The following NOTCH2NLA variants were observed in gnomAD, a reference collection of about 807,000 sequenced individuals.
NOTCH2NLA encodes the protein notch 2 N-terminal like A, also known as notch homolog 2 N-terminal-like protein A.
chr1:146,182,391 A>G (rs1440522596), intron 2 of NOTCH2NLA, among the ~76,000 whole-genome samples: 3 of 137,742 alleles, frequency 2.2e-5, no homozygotes, highest in Non-Finnish European at 5.0e-5. Flanking sequence ...GCTTCCATAT[A>G]GTCTCTCTCT....
chr1:146,171,487 A>G (rs1661980048), intron 2 of NOTCH2NLA, among the ~76,000 whole-genome samples: 1 of 127,514 alleles, frequency 7.8e-6, no homozygotes, highest in African/African-American at 2.6e-5. Flanking sequence ...AAACCCAAGT[A>G]GACTCTAGAG....
chr1:146,174,769 G>A (rs587690021), intron 2 of NOTCH2NLA, among the ~76,000 whole-genome samples: 3 of 142,486 alleles, frequency 2.1e-5, no homozygotes, highest in East Asian at 1.9e-4. Context: ...GAGCTCTAGA[G>A]GGGGGAGCTG....
chr1:146,159,445 A>AAGAAAGAAAGAAAGAAAGAG (rs1206207751), intron 3 of NOTCH2NLA, among the ~76,000 whole-genome samples: 2 of 139,718 alleles, frequency 1.4e-5, no homozygotes, highest in African/African-American at 5.2e-5. Context: ...GAAAGAAAGA[A>AAGAAAGAAAGAAAGAAAGAG]AGAGAAAGAA....
At chr1:146,183,530 G>GA (rs1380221747) in intron 2 of NOTCH2NLA, among the ~76,000 whole-genome samples, 2 of 119,246 alleles carry the variant, frequency 1.7e-5, no homozygotes, top group East Asian at 4.6e-4. Flanking sequence ...TCATTTTCCA[G>GA]AAAAACTATA....
intron 1 of NOTCH2NLA, among the ~76,000 whole-genome samples, chr1:146,195,117 C>T (rs1663115100): frequency 9.0e-6 from 1 of 111,164 alleles, no homozygotes; most frequent in East Asian, 3.4e-4. Context: ...TGCTTTTTCA[C>T]TTTTAAGTTC....
At chr1:146,174,437 T>C (rs1571289888) in intron 2 of NOTCH2NLA, among the ~76,000 whole-genome samples, 2 of 145,744 alleles carry the variant, frequency 1.4e-5, no homozygotes, top group African/African-American at 5.0e-5. Context: ...AACGAGGATT[T>C]GGCCATTCAA....
At chr1:146,177,870 G>C (rs369825805) in intron 2 of NOTCH2NLA, among the ~76,000 whole-genome samples, 2 of 141,958 alleles carry the variant, frequency 1.4e-5, no homozygotes, top group South Asian at 2.2e-4. Flanking sequence ...TTGGGTGTTT[G>C]TGGTTGTATA....
At chr1:146,159,407 GAAA>G (rs1661357288) in intron 3 of NOTCH2NLA, among the ~76,000 whole-genome samples, 2 of 142,582 alleles carry the variant, frequency 1.4e-5, no homozygotes, top group African/African-American at 5.3e-5. Context: ...AAGAAAGAAA[GAAA>G]GAAAGAAAGA....
At chr1:146,162,366 T>G (rs1661552648) in intron 3 of NOTCH2NLA, among the ~76,000 whole-genome samples, 1 of 150,608 alleles carries the variant, frequency 6.6e-6, no homozygotes, top group African/African-American at 2.5e-5. Context: ...GTGTACGGGT[T>G]CAAGTTGACA....
At chr1:146,225,342 C>CA (rs1327084868) in intron 1 of NOTCH2NLA, among the ~76,000 whole-genome samples, 1 of 73,270 alleles carries the variant, frequency 1.4e-5, no homozygotes, top group Non-Finnish European at 2.5e-5. Flanking sequence ...GATAAAGGGT[C>CA]AAAAAACAAC....
chr1:146,180,078 T>C (rs1662468322), intron 2 of NOTCH2NLA, among the ~76,000 whole-genome samples: 1 of 142,128 alleles, frequency 7.0e-6, no homozygotes, highest in Admixed American at 7.2e-5. Flanking sequence ...AAAATTAAAC[T>C]TTTGTTTGAA....
chr1:146,180,178 G>A (rs1553808992), intron 2 of NOTCH2NLA, among the ~76,000 whole-genome samples: 1 of 142,864 alleles, frequency 7.0e-6, no homozygotes, highest in African/African-American at 2.4e-5. Context: ...AAAATGACCT[G>A]AATCTATACA....
At chr1:146,210,666 T>C (rs1187640828) in intron 1 of NOTCH2NLA, among the ~76,000 whole-genome samples, 4 of 97,068 alleles carry the variant, frequency 4.1e-5, no homozygotes, top group African/African-American at 2.1e-4. Flanking sequence ...TTAATTCAGA[T>C]ATTCAAATTT....
At chr1:146,180,467 TAGG>T (rs1157485242) in intron 2 of NOTCH2NLA, among the ~76,000 whole-genome samples, 1 of 141,692 alleles carries the variant, frequency 7.1e-6, no homozygotes, top group East Asian at 1.9e-4. Context: ...TACTTTTTCA[TAGG>T]AGAAGGCTGA....
chr1:146,200,437 A>AT (rs1663364255), intron 1 of NOTCH2NLA, among the ~76,000 whole-genome samples: 1 of 22,758 alleles, frequency 4.4e-5, no homozygotes, highest in Non-Finnish European at 8.3e-5. Flanking sequence ...AAAAAAAAAA[A>AT]AATATATATA....
At chr1:146,174,584 A>T (rs1191712493) in intron 2 of NOTCH2NLA, among the ~76,000 whole-genome samples, 12 of 141,918 alleles carry the variant, frequency 8.5e-5, no homozygotes, top group Admixed American at 3.6e-4. Context: ...GGGGAAAAAA[A>T]AGTCTCATGT....
intron 1 of NOTCH2NLA, among the ~76,000 whole-genome samples, chr1:146,219,475 T>C (rs1664005430): frequency 8.7e-6 from 1 of 115,568 alleles, no homozygotes; most frequent in Non-Finnish European, 1.7e-5. Flanking sequence ...TATATACTGC[T>C]AATTATTTCC....
Position 146,180,676 on chromosome 1 carries a change from C to T in NOTCH2NLA, c.38+8624G>A, listed in dbSNP as rs587743857. Among the ~76,000 whole-genome samples, 24 of 143,276 alleles carry T rather than the reference C, an allele frequency of 1.7e-4. No individual in the cohort carries two copies. The South Asian group carries it at 5.1e-3, about 31-fold the overall frequency. 94.0% of individuals were successfully genotyped at this position (143,276 alleles called of 152,430 possible). On this transcript the variant is annotated intron_variant, in intron 2 of 4. Transcript: ENST00000362074. ...AAAATGCATAACACAGTCGCATGTG[C>T]ACACGTGTGCATACACACATATGAC...
At chr1:146,180,111 C>A (rs1410132830) in intron 2 of NOTCH2NLA, among the ~76,000 whole-genome samples, 9 of 143,040 alleles carry the variant, frequency 6.3e-5, no homozygotes, top group Admixed American at 2.8e-4. Flanking sequence ...TATAGCGCTT[C>A]AGAGTCCATC....
Sources: allele counts gnomAD v4.1 joint callset (sites outside exome capture counted in the v4.1 genomes callset), GRCh38; gene constraint gnomAD v4.1.1; transcripts MANE v1.5; gene names NCBI Gene and HGNC (gene_info 2026-07-23, HGNC 2026-07-21).